The following PCGF5 variants were observed in gnomAD, a reference collection of about 807,000 sequenced individuals.
The protein encoded by PCGF5 is polycomb group RING finger protein 5.
A neutral mutation model predicts 44.3 loss-of-function variants in PCGF5; 9 were observed. The ratio of observed to expected loss-of-function variants is 0.20; its 90% CI spans 0.12 to 0.35. The LOEUF is 0.35. PCGF5 is among the 10% of genes least tolerant of loss of function. The pLI is 1.00. For synonymous variants in PCGF5, 95 were observed against 102.5 expected, an observed-to-expected ratio of 0.93 and a Z score of 0.44; for missense variants, 146 against 305.3, an observed-to-expected ratio of 0.48 and a Z score of 3.89.
chr10:91,221,738 AC>A (rs1433150637), intron 1 of PCGF5, among the ~76,000 whole-genome samples: 3 of 147,498 alleles, frequency 2.0e-5, no homozygotes, highest in African/African-American at 7.7e-5. Flanking sequence ...AAAAAAAAAA[AC>A]CTGAGACAGG....
intron 1 of PCGF5, among the ~76,000 whole-genome samples, chr10:91,179,500 A>G (rs892386585): frequency 6.6e-6 from 1 of 151,794 alleles, no homozygotes; most frequent in Non-Finnish European, 1.5e-5. Flanking sequence ...CTCTACTTCT[A>G]CCCTCCACCC....
At chr10:91,181,089 T>C (rs1254978840) in intron 1 of PCGF5, among the ~76,000 whole-genome samples, 1 of 152,186 alleles carries the variant, frequency 6.6e-6, no homozygotes, top group African/African-American at 2.4e-5. Flanking sequence ...TTTTTAGCTA[T>C]TTTATTATTT....
At chr10:91,271,466 TA>T (rs1323852142) in intron 8 of PCGF5, among the ~76,000 whole-genome samples, 171 bp from the exon 9 acceptor site, 1 of 152,234 alleles carries the variant, frequency 6.6e-6, no homozygotes, top group Non-Finnish European at 1.5e-5. Flanking sequence ...TACCAGTTAC[TA>T]AGTTATTAAA....
intron 2 of PCGF5, among the ~76,000 whole-genome samples, chr10:91,224,713 G>A (rs1234144555): frequency 6.6e-6 from 1 of 152,086 alleles, no homozygotes; most frequent in Non-Finnish European, 1.5e-5. Flanking sequence ...AATACACTTG[G>A]CCAGTTTAAG....
At chr10:91,189,951 A>G (rs1275116148) in intron 1 of PCGF5, among the ~76,000 whole-genome samples, 2 of 152,250 alleles carry the variant, frequency 1.3e-5, no homozygotes, top group Admixed American at 1.3e-4. Context: ...ACAAATCAAT[A>G]AAAGCCAGAC....
At position 91,251,301 on chromosome 10, in the gene PCGF5, C is replaced by A; in HGVS notation, c.335C>A (p.Ser112Ter). The change falls in exon 6 of 10, where the codon TCA (serine) becomes TAA (stop). Residue 112 changes from serine to a stop codon, truncating the protein, a stop_gained. Transcript: ENST00000336126. LOFTEE classifies it high-confidence loss of function. Reference protein sequence around the residue: ...KPQENGQDDTSKADKPKVDEE... With the variant: ...KPQENGQDDT ...TGTTTAAATTATACAGATGATACTT[C>A]AAAAGCTGACAAACCGAAAGTAGAT... The A allele has an allele frequency of 6.2e-7, 1 of 1,607,282 alleles. No individual in the cohort carries two copies. Among genetic ancestry groups the A allele is most frequent in the South Asian group, 1.1e-5 (1 of 90,816 alleles).
chr10:91,223,663 A>G (rs1469224836), intron 2 of PCGF5, among the ~76,000 whole-genome samples: 1 of 152,202 alleles, frequency 6.6e-6, no homozygotes, highest in Non-Finnish European at 1.5e-5. Context: ...TTCTGCCAGC[A>G]TGATTTCATT....
At chr10:91,168,104 G>GC (rs1843531675) in intron 1 of PCGF5, among the ~76,000 whole-genome samples, 1 of 152,206 alleles carries the variant, frequency 6.6e-6, no homozygotes. Context: ...CTTGTATGTG[G>GC]CTATGGACCA....
intron 6 of PCGF5, among the ~76,000 whole-genome samples, chr10:91,254,859 A>G (rs1252232110): frequency 6.6e-6 from 1 of 152,122 alleles, no homozygotes; most frequent in Non-Finnish European, 1.5e-5. Flanking sequence ...AGGCTTATAG[A>G]TGCATATAGA....
Position 91,278,496 on chromosome 10 carries a change from C to T in PCGF5, c.*180C>T. 2 of 611,690 alleles carry T rather than the reference C, an allele frequency of 3.3e-6. No homozygotes were observed. Among genetic ancestry groups the T allele is most frequent in the South Asian group, 4.1e-5 (2 of 48,754 alleles). The allele number at this position is 611,690 out of a possible 1,614,324, so 37.9% of individuals were successfully genotyped here. Reference sequence around the variant, plus strand: ...CATGTTGTTTCTATTAGGAGCAAACCAAGTGCCATTCTGCTACTGAACCAT... The same window carrying T: ...CATGTTGTTTCTATTAGGAGCAAACTAAGTGCCATTCTGCTACTGAACCAT... On this transcript the variant is annotated 3_prime_UTR_variant, in exon 10 of 10. Transcript: ENST00000336126.
chr10:91,178,264 G>A (rs1843749157), intron 1 of PCGF5, among the ~76,000 whole-genome samples: 1 of 152,186 alleles, frequency 6.6e-6, no homozygotes, highest in Non-Finnish European at 1.5e-5. Flanking sequence ...AATCAAGACG[G>A]CAGTTTAAAC....
Position 91,168,351 on chromosome 10 carries a change from G to A in PCGF5, c.-184+5270G>A, listed in dbSNP as rs116952601. 2.6e-3 allele frequency among the ~76,000 whole-genome samples: 401 copies of A among 152,248 alleles called. 4 individuals carry two copies. The highest frequency in any genetic ancestry group is 2.3e-3 in the Non-Finnish European group (155 of 68,012). ...GATTGGGCAAAGAAAGATAAGGAAG[G>A]AGATTTCGAAGGATCCTGATAGGGT... is the stretch of plus-strand genomic sequence containing the variant. On this transcript the variant is annotated intron_variant, in intron 1 of 9. Transcript: ENST00000614189.
rs1846382367 is a variant in PCGF5 at position 91,278,965 on chromosome 10, T to C, written c.*649T>C. The C allele has an allele frequency of 6.6e-6, 1 of 152,648 alleles. No homozygotes were observed. Among genetic ancestry groups the C allele is most frequent in the Non-Finnish European group, 1.5e-5 (1 of 68,046 alleles). 9.5% of individuals were successfully genotyped at this position (152,648 alleles called of 1,614,324 possible). A position where few individuals can be genotyped will look rare whatever the true frequency, so the allele number is the denominator to read the frequency against. ...GTCTACCAATTGCACAAGGAAGGCATGTTAGCCCTCCAGATTGAAAATGTA... is the reference window on the plus strand; with the variant it reads ...GTCTACCAATTGCACAAGGAAGGCACGTTAGCCCTCCAGATTGAAAATGTA... On this transcript the variant is annotated 3_prime_UTR_variant, in exon 10 of 10. Transcript: ENST00000336126.
intron 1 of PCGF5, among the ~76,000 whole-genome samples, chr10:91,192,719 G>A (rs1844055486): frequency 1.3e-5 from 2 of 152,138 alleles, no homozygotes; most frequent in Non-Finnish European, 2.9e-5. Flanking sequence ...TTTGTTATAA[G>A]GTGGTAAGAG....
intron 1 of PCGF5, among the ~76,000 whole-genome samples, chr10:91,195,722 AC>A (rs1414376931): frequency 6.6e-6 from 1 of 151,958 alleles, no homozygotes; most frequent in African/African-American, 2.4e-5. Context: ...GGCATGAGCC[AC>A]CATGCCTGGC....
chr10:91,222,686 CAG>C lies in PCGF5; in HGVS notation c.-183-1_-183del, dbSNP rs1177475354. On this transcript the variant is annotated splice_acceptor_variant, in intron 1 of 9. Transcript: ENST00000336126. LOFTEE classifies it low-confidence loss of function (5UTR_SPLICE). The stretch of plus-strand genomic sequence containing the variant: ...CATCTTTTTGAAATGATTTTGGAAA[CAG>C]ACATGGGAAAGCGGAACCACCAAAA... 4 of 507,598 alleles carry C rather than the reference CAG, an allele frequency of 7.9e-6. No individual in the cohort carries two copies. Among genetic ancestry groups the C allele is most frequent in the Admixed American group, 3.6e-5 (1 of 27,544 alleles). 31.4% of individuals were successfully genotyped at this position (507,598 alleles called of 1,614,324 possible). A position where few individuals can be genotyped will look rare whatever the true frequency, so the allele number is the denominator to read the frequency against.
rs1846396766 is a variant in PCGF5, at chr10:91,279,486, A to G, written c.*1170A>G. 6.6e-6 allele frequency: 1 copy of G among 152,146 alleles called. No homozygotes were observed. Among genetic ancestry groups the G allele is most frequent in the Admixed American group, 6.5e-5 (1 of 15,272 alleles). 9.4% of individuals were successfully genotyped at this position (152,146 alleles called of 1,614,324 possible). On this transcript the variant is annotated 3_prime_UTR_variant, in exon 10 of 10. Coordinates refer to ENST00000336126, the MANE Select transcript of PCGF5 (RefSeq NM_032373.5). ...AAATGAGAAGATTATTATTTTATAC[A>G]TGAGTTCATTAAGATCAGAAATACA...
intron 1 of PCGF5, among the ~76,000 whole-genome samples, chr10:91,210,253 C>T (rs778277927): frequency 2.0e-5 from 3 of 152,168 alleles, no homozygotes; most frequent in Non-Finnish European, 4.4e-5. Flanking sequence ...AGTGCTACAG[C>T]TCTTGTGCTT....
At chr10:91,255,414 A>G (rs1338914527) in intron 6 of PCGF5, among the ~76,000 whole-genome samples, 1 of 152,074 alleles carries the variant, frequency 6.6e-6, no homozygotes, top group Non-Finnish European at 1.5e-5. Flanking sequence ...AGAAGGCCCT[A>G]AGCTCTCACC....
Sources: allele counts gnomAD v4.1 joint callset (sites outside exome capture counted in the v4.1 genomes callset), GRCh38; gene constraint gnomAD v4.1.1; transcripts MANE v1.5; gene names NCBI Gene and HGNC (gene_info 2026-07-23, HGNC 2026-07-21).